MACROD2: variants seen among roughly 807,000 people sequenced by gnomAD.
MACROD2 encodes ADP-ribose glycohydrolase MACROD2.
Under a neutral mutation model 70.4 loss-of-function variants are expected in MACROD2, and 36 were observed. The ratio of observed to expected loss-of-function variants is 0.51; its 90% confidence interval spans 0.39 to 0.68. The LOEUF is 0.68. Ranked by LOEUF, MACROD2 falls within the 30% of genes least tolerant of loss-of-function variation. The pLI, the probability that MACROD2 is intolerant of heterozygous loss-of-function variation, is 0.00. For missense variants in MACROD2, 496 were observed against 538.4 expected (o/e 0.92, Z 0.78); for synonymous variants, 172 against 178.8 (o/e 0.96, Z 0.30).
chr20:14,460,772 G>A (rs772675198), intron 3 of MACROD2, among the ~76,000 whole-genome samples: 3 of 152,002 alleles, frequency 2.0e-5, no homozygotes, highest in Non-Finnish European at 2.9e-5. Flanking sequence ...GGATGAAGCC[G>A]ACTTGATCAT....
chr20:15,914,293 T>C (rs1045735576), intron 10 of MACROD2, among the ~76,000 whole-genome samples: 6 of 152,212 alleles, frequency 3.9e-5, no homozygotes, highest in Non-Finnish European at 5.9e-5. Flanking sequence ...TTAACAAAGA[T>C]CTTTGGGAGG....
intron 2 of MACROD2, among the ~76,000 whole-genome samples, chr20:14,080,470 A>T (rs970194447): frequency 1.5e-5 from 2 of 135,666 alleles, no homozygotes; most frequent in African/African-American, 5.4e-5. Flanking sequence ...AAAAAATCTA[A>T]TCTGAGATTC....
chr20:15,273,151 T>C (rs894492971), intron 6 of MACROD2, among the ~76,000 whole-genome samples: 5 of 152,154 alleles, frequency 3.3e-5, no homozygotes, highest in African/African-American at 4.8e-5. Flanking sequence ...GTCAGTGGGC[T>C]GGGGAAGGCA....
In MACROD2 at chr20:14,969,361, TACACACACACACACAC is replaced by T. The variant is rs3045701; in HGVS notation, c.419-260553_419-260538del. 2.1e-4 allele frequency among the ~76,000 whole-genome samples: 29 copies of T among 138,130 alleles called. No individual in the cohort carries two copies. The South Asian group carries it at 7.3e-3, about 35-fold the overall frequency. The allele number at this position is 138,130 out of a possible 152,430, so 90.6% of individuals were successfully genotyped here. ...AATTTAAAAGCTATATAAATGCTTT[TACACACACACACACAC>T]ACACACACACACACACACACACACA... is the stretch of plus-strand genomic sequence containing the variant. On this transcript the variant is annotated intron_variant, in intron 5 of 17. Transcript: ENST00000684519.
At chr20:15,832,122 CAATACTGAG>C (rs142736376) in intron 8 of MACROD2, among the ~76,000 whole-genome samples, 6,607 of 152,152 alleles carry the variant, frequency 0.043, 304 homozygotes, top group East Asian at 0.21. Context: ...AAAAAAGTTC[CAATACTGAG>C]AATATGGATG....
At chr20:15,951,351 A>ACACACACACAC (rs71192308) in intron 12 of MACROD2, among the ~76,000 whole-genome samples, 8 of 149,076 alleles carry the variant, frequency 5.4e-5, no homozygotes, top group South Asian at 2.1e-4. Flanking sequence ...ACACACACAC[A>ACACACACACAC]AAGAGAGAGA....
At chr20:15,565,258 C>T (rs895669169) in intron 8 of MACROD2, among the ~76,000 whole-genome samples, 1 of 152,122 alleles carries the variant, frequency 6.6e-6, no homozygotes, top group African/African-American at 2.4e-5. Context: ...GAAAATAAAT[C>T]CCTAGAGATC....
chr20:15,686,498 G>A (rs908026861), intron 8 of MACROD2, among the ~76,000 whole-genome samples: 1 of 152,092 alleles, frequency 6.6e-6, no homozygotes, highest in Admixed American at 6.6e-5. Flanking sequence ...TATATATAAA[G>A]CAGTAGAAGG....
chr20:14,410,758 A>T (rs563979470), intron 3 of MACROD2, among the ~76,000 whole-genome samples: 1 of 152,274 alleles, frequency 6.6e-6, no homozygotes, highest in Admixed American at 6.5e-5. Context: ...TAAACTGTTT[A>T]ATAATAAACA....
intron 8 of MACROD2, among the ~76,000 whole-genome samples, chr20:15,767,007 G>A (rs527396352): frequency 1.4e-4 from 22 of 152,290 alleles, no homozygotes; most frequent in African/African-American, 4.6e-4. Context: ...AGCCAATTAC[G>A]TGTTCAAGCT....
chr20:15,507,866 A>T (rs2146506400), intron 8 of MACROD2, among the ~76,000 whole-genome samples: 1 of 152,322 alleles, frequency 6.6e-6, no homozygotes, highest in Admixed American at 6.5e-5. Flanking sequence ...TGTTGTGGTC[A>T]ATAGGAAGCA....
At chr20:14,890,759 A>AT in intron 5 of MACROD2, among the ~76,000 whole-genome samples, 1 of 14,334 alleles carries the variant, frequency 7.0e-5, no homozygotes, top group East Asian at 0.013. Context: ...CCAAAAACAG[A>AT]AAAAAAAAAA....
chr20:14,659,181 C>T (rs1171258617), intron 4 of MACROD2, among the ~76,000 whole-genome samples: 1 of 152,148 alleles, frequency 6.6e-6, no homozygotes, highest in Non-Finnish European at 1.5e-5. Context: ...AAATATACCA[C>T]ATATCAAGAG....
chr20:15,146,159 A>C (rs1185295367), intron 5 of MACROD2, among the ~76,000 whole-genome samples: 1 of 152,142 alleles, frequency 6.6e-6, no homozygotes, highest in Non-Finnish European at 1.5e-5. Flanking sequence ...AATGTCTTCT[A>C]TATAAGTATT....
chr20:14,664,713 T>C (rs906660577), intron 4 of MACROD2, among the ~76,000 whole-genome samples: 1 of 152,088 alleles, frequency 6.6e-6, no homozygotes, highest in South Asian at 2.1e-4. Flanking sequence ...ATAATGCCTA[T>C]TATTTTATCA....
At chr20:15,148,353 C>G (rs1184557165) in intron 5 of MACROD2, among the ~76,000 whole-genome samples, 1 of 151,948 alleles carries the variant, frequency 6.6e-6, no homozygotes, top group Non-Finnish European at 1.5e-5. Context: ...AGGAGAAAAA[C>G]AGGTATTAAA....
At chr20:14,849,018 G>A (rs62204802) in intron 5 of MACROD2, among the ~76,000 whole-genome samples, 5 of 152,104 alleles carry the variant, frequency 3.3e-5, no homozygotes, top group Non-Finnish European at 5.9e-5. Flanking sequence ...ATTCTTCTCA[G>A]TACTGTTCAT....
chr20:15,022,657 C>G (rs1020796715), intron 5 of MACROD2, among the ~76,000 whole-genome samples: 1 of 152,140 alleles, frequency 6.6e-6, no homozygotes, highest in African/African-American at 2.4e-5. Context: ...CCTGGTTGTC[C>G]ACAATGACGA....
At chr20:14,179,504 G>T (rs1415274750) in intron 3 of MACROD2, among the ~76,000 whole-genome samples, 1 of 151,958 alleles carries the variant, frequency 6.6e-6, no homozygotes, top group African/African-American at 2.4e-5. Flanking sequence ...ATCTACTGTG[G>T]CCATTCTCCA....
Sources: allele counts gnomAD v4.1 joint callset (sites outside exome capture counted in the v4.1 genomes callset), GRCh38; gene constraint gnomAD v4.1.1; transcripts MANE v1.5; gene names NCBI Gene and HGNC (gene_info 2026-07-23, HGNC 2026-07-21).